Variants in FGD4 observed in about 807,000 individuals in gnomAD.
FGD4 encodes FYVE, RhoGEF and PH domain containing 4, also known as FYVE, RhoGEF and PH domain-containing protein 4.
A neutral mutation model predicts 102.0 loss-of-function variants in FGD4; 42 were observed. That is an observed-to-expected ratio of 0.41 (90% CI 0.32 to 0.53). FGD4 has a LOEUF of 0.53. Ranked by LOEUF, FGD4 falls within the 20% of genes least tolerant of loss-of-function variation. The pLI, the probability that FGD4 is intolerant of heterozygous loss-of-function variation, is 0.21. For synonymous variants in FGD4, 380 were observed against 375.7 expected, an observed-to-expected ratio of 1.01 and a Z score of -0.13; for missense variants, 902 against 1,078.2, an observed-to-expected ratio of 0.84 and a Z score of 2.29.
At chr12:32,549,395 A>G (rs953365393) in intron 1 of FGD4, among the ~76,000 whole-genome samples, 1 of 152,164 alleles carries the variant, frequency 6.6e-6, no homozygotes, top group African/African-American at 2.4e-5. Context: ...AAACACCCAC[A>G]GAAGTTATCT....
At chr12:32,625,614 G>C (rs1167474161) in intron 13 of FGD4, 40 bp from the exon 14 acceptor site, 1 of 1,599,110 alleles carries the variant, frequency 6.3e-7, no homozygotes, top group East Asian at 2.3e-5. Flanking sequence ...GGGAATTATA[G>C]TTTTTTTCTA....
At chr12:32,610,754 CT>C in intron 8 of FGD4, 21 bp from the exon 9 acceptor site, 1 of 1,602,000 alleles carries the variant, frequency 6.2e-7, no homozygotes, top group Non-Finnish European at 8.5e-7. Context: ...TATTTATTTA[CT>C]TTTCTTTTTT....
intron 1 of FGD4, among the ~76,000 whole-genome samples, chr12:32,532,825 T>G (rs954680266): frequency 6.6e-6 from 1 of 152,218 alleles, no homozygotes; most frequent in African/African-American, 2.4e-5. Context: ...AGGTTTCTTC[T>G]CTTTGACTTT....
At chr12:32,540,414 A>T (rs1942716258) in intron 1 of FGD4, among the ~76,000 whole-genome samples, 1 of 152,270 alleles carries the variant, frequency 6.6e-6, no homozygotes. Flanking sequence ...CAACGTATGC[A>T]AAAGCAGAGA....
At chr12:32,542,845 C>G (rs1470208799) in intron 1 of FGD4, among the ~76,000 whole-genome samples, 1 of 152,180 alleles carries the variant, frequency 6.6e-6, no homozygotes, top group Non-Finnish European at 1.5e-5. Context: ...TAACTGGTGA[C>G]TTTTCATATA....
chr12:32,518,011 C>T (rs991742233), intron 1 of FGD4, among the ~76,000 whole-genome samples: 1 of 151,562 alleles, frequency 6.6e-6, no homozygotes, highest in Non-Finnish European at 1.5e-5. Flanking sequence ...TACTTTCTGC[C>T]ATCATCATAG....
At chr12:32,473,229 G>C (rs1403226177) in intron 1 of FGD4, among the ~76,000 whole-genome samples, 1 of 149,472 alleles carries the variant, frequency 6.7e-6, no homozygotes, top group African/African-American at 2.5e-5. Context: ...CAGGCTGCCC[G>C]AGCCAGCATT....
intron 1 of FGD4, among the ~76,000 whole-genome samples, chr12:32,440,123 C>T (rs11052006): frequency 0.13 from 19,157 of 152,216 alleles, 1,397 homozygotes; most frequent in Middle Eastern, 0.21. Flanking sequence ...GGTCACATAT[C>T]TCTGTTTTTC....
intron 1 of FGD4, among the ~76,000 whole-genome samples, chr12:32,428,556 C>A (rs1271451425): frequency 2.0e-5 from 3 of 152,096 alleles, no homozygotes; most frequent in African/African-American, 7.2e-5. Flanking sequence ...GGTCGCTCTT[C>A]TCGAGGAGTA....
At chr12:32,542,302 GAA>G (rs1288003947) in intron 1 of FGD4, among the ~76,000 whole-genome samples, 1 of 152,178 alleles carries the variant, frequency 6.6e-6, no homozygotes, top group African/African-American at 2.4e-5. Context: ...CAGATTTAGA[GAA>G]ATCAAGTTTA....
chr12:32,624,059 C>T (rs1293672045), intron 11 of FGD4, among the ~76,000 whole-genome samples: 1 of 152,068 alleles, frequency 6.6e-6, no homozygotes, highest in African/African-American at 2.4e-5. Flanking sequence ...GAATAGTAGC[C>T]TTTAGTAGCC....
chr12:32,588,648 A>G (rs1472883588), intron 4 of FGD4, among the ~76,000 whole-genome samples: 1 of 152,236 alleles, frequency 6.6e-6, no homozygotes, highest in East Asian at 1.9e-4. Flanking sequence ...TTCTGAGAGC[A>G]TCGGGCAAAG....
At chr12:32,570,382 C>CT (rs1406617060) in intron 2 of FGD4, among the ~76,000 whole-genome samples, 1 of 151,544 alleles carries the variant, frequency 6.6e-6, no homozygotes, top group Non-Finnish European at 1.5e-5. Flanking sequence ...TGTCTATATC[C>CT]TTTGGACTGT....
intron 6 of FGD4, 47 bp from the exon 7 acceptor site, chr12:32,602,114 C>T: frequency 6.4e-7 from 1 of 1,558,486 alleles, no homozygotes; most frequent in East Asian, 2.3e-5. Flanking sequence ...GACCCTGTCT[C>T]AAAAAAAAAT....
Position 32,598,592 on chromosome 12 carries a change from A to C in FGD4, c.1101+6A>C. 3 of 1,606,400 alleles carry C rather than the reference A, an allele frequency of 1.9e-6. No homozygotes were observed. Among genetic ancestry groups the C allele is most frequent in the East Asian group, 2.2e-5 (1 of 44,780 alleles). On this transcript the variant is annotated splice_donor_region_variant and intron_variant, in intron 5 of 16. Coordinates refer to ENST00000534526, the MANE Select transcript of FGD4 (RefSeq NM_001370298.3). ...GACTTGACCTCTTAGATCAGGTAAG[A>C]TTTTCTTTCTCAGAATTATTTTATA...
At chr12:32,460,809 G>A (rs1038628285) in intron 1 of FGD4, among the ~76,000 whole-genome samples, 1 of 152,168 alleles carries the variant, frequency 6.6e-6, no homozygotes, top group Non-Finnish European at 1.5e-5. Flanking sequence ...CCATTTTATA[G>A]TCAGCAAGAC....
chr12:32,444,704 C>T (rs981814716), intron 1 of FGD4, among the ~76,000 whole-genome samples: 1 of 152,132 alleles, frequency 6.6e-6, no homozygotes, highest in Non-Finnish European at 1.5e-5. Flanking sequence ...TGCGCATGGC[C>T]TAAGCAATGA....
At position 32,624,435 on chromosome 12, in the gene FGD4, A is replaced by G. The variant is rs1217036684; in HGVS notation, c.1936A>G (p.Lys646Glu). Reference protein sequence around the residue: ...LELQASSAQDKEEWIKALQET... With the variant: ...LELQASSAQDEEEWIKALQET... ...GTTTTATTTTAGTTCTGCGCAAGAC[A>G]AAGAAGAATGGATCAAGGTAAGCCT... Residue 646 changes from lysine to glutamate, a missense_variant, in exon 12 of 17, where the codon AAA becomes GAA. By Grantham distance (56) the Lys-to-Glu change is moderately conservative. Around this residue, in one of 2 missense-constraint regions of FGD4, gnomAD observed 459 missense variants for 619.0 expected, o/e 0.74. Transcript: ENST00000534526. 1 of 1,602,828 alleles carries G rather than the reference A, an allele frequency of 6.2e-7. No homozygotes were observed.
chr12:32,486,866 C>A (rs980775892), intron 1 of FGD4, among the ~76,000 whole-genome samples: 1 of 151,938 alleles, frequency 6.6e-6, no homozygotes, highest in African/African-American at 2.4e-5. Flanking sequence ...TATTTTTGTT[C>A]AGTAGGAAGG....
Sources: gnomAD v4.1 joint callset for allele counts (sites outside exome capture counted in the v4.1 genomes callset) on GRCh38, gnomAD v4.1.1 for gene constraint, gnomAD v4.1.1 regional missense constraint, MANE v1.5 for transcripts, NCBI Gene and HGNC (gene_info 2026-07-23, HGNC 2026-07-21) for gene names.